The following SCML1 variants were observed in gnomAD, a reference collection of about 807,000 sequenced individuals.
SCML1 encodes Scm polycomb group protein like 1.
For missense variants in SCML1, 137 were observed against 258.1 expected (o/e 0.53, Z 3.22); for synonymous variants, 104 against 103.6 (o/e 1.00, Z -0.02).
At chrX:17,748,016 G>C (rs957468956) in intron 4 of SCML1, among the ~76,000 whole-genome samples, 8 of 111,093 alleles carry the variant, frequency 7.2e-5, no homozygotes, top group African/African-American at 2.6e-4. Flanking sequence ...AATCACCTGG[G>C]GGGCTTGTGA....
Position 17,753,116 on chromosome X carries a change from A to G in SCML1, c.856-142A>G, listed in dbSNP as rs955315608. The G allele has an allele frequency of 2.7e-5, 10 of 374,718 alleles. No homozygotes were observed. The Admixed American group carries it at 5.2e-4, about 19-fold the overall frequency. The allele number at this position is 374,718 out of a possible 1,213,427, so 30.9% of individuals were successfully genotyped here. A position where few individuals can be genotyped will look rare whatever the true frequency, so the allele number is the denominator to read the frequency against. On this transcript the variant is annotated intron_variant, in intron 7 of 7. Transcript: ENST00000380041. ...ACAAGTTATATTTTTAATAGTTTTC[A>G]TAAAGTAGACGCATATTCAGAGAAT...
At chrX:17,744,827 AC>A (rs971903343) in intron 2 of SCML1, 2 of 112,103 alleles carry the variant, frequency 1.8e-5, no homozygotes, top group African/African-American at 6.5e-5. Flanking sequence ...TTTTAAAAGT[AC>A]TGAACTGTAA....
Position 17,745,525 on chromosome X carries a change from G to C in SCML1, c.103G>C (p.Glu35Gln). Residue 35 changes from glutamate (E) to glutamine (Q), a missense_variant, in exon 3 of 8, where the codon GAA becomes CAA. Glu to Gln is a conservative substitution (Grantham distance 29, BLOSUM62 2). Coordinates refer to ENST00000380041, the MANE Select transcript of SCML1 (RefSeq NM_001037540.3). ...TCTTTATGCGTATGAAACAAAACCT[G>C]AATTTGTCAATAAAGTATGTTAATT... ...TILYAYETKP[E>Q]FVNKEPNIVS... The C allele has an allele frequency of 5.3e-6, 6 of 1,123,564 alleles. No individual in the cohort carries two copies. The highest frequency in any genetic ancestry group is 7.3e-6 in the Non-Finnish European group (6 of 822,645). The allele number at this position is 1,123,564 out of a possible 1,213,427, so 92.6% of individuals were successfully genotyped here.
At chrX:17,743,734 A>C (rs2066620056) in intron 1 of SCML1, 1 of 113,667 alleles carries the variant, frequency 8.8e-6, no homozygotes, top group African/African-American at 3.3e-5. Flanking sequence ...CTTTCTCCTT[A>C]GTCAAGAGCC....
At chrX:17,752,034 G>T in intron 7 of SCML1, 68 bp downstream of exon 7, 1 of 1,038,986 alleles carries the variant, frequency 9.6e-7, no homozygotes, top group Non-Finnish European at 1.3e-6. Context: ...AGGTCTTTCA[G>T]TTGGATACTG....
intron 1 of SCML1, among the ~76,000 whole-genome samples, chrX:17,741,185 A>G (rs1440323006): frequency 8.9e-6 from 1 of 111,862 alleles, no homozygotes; most frequent in African/African-American, 3.3e-5. Flanking sequence ...AGCGGGGTAT[A>G]GTTTCCTAAT....
rs747850155 is a variant in SCML1 at position 17,739,848 on chromosome X, C to CAA, written c.-117+2189_-117+2190dup. On this transcript the variant is annotated intron_variant, in intron 1 of 7. Coordinates refer to ENST00000380041, the MANE Select transcript of SCML1 (RefSeq NM_001037540.3). The stretch of plus-strand genomic sequence containing the variant: ...TGGGTGACAGAGTAAGACTCTGTCT[C>CAA]AAAAAAAAAAAAAAAAAAAAAAGAA... 9.9e-3 allele frequency among the ~76,000 whole-genome samples: 318 copies of CAA among 31,975 alleles called. 7 individuals are homozygous for CAA. The highest frequency in any genetic ancestry group is 0.023 in the African/African-American group (213 of 9,220). 27.8% of individuals were successfully genotyped at this position (31,975 alleles called of 115,157 possible).
At chrX:17,739,409 T>C (rs958167993) in intron 1 of SCML1, among the ~76,000 whole-genome samples, 1 of 110,777 alleles carries the variant, frequency 9.0e-6, no homozygotes, top group African/African-American at 3.3e-5. Flanking sequence ...ATAAATGAGT[T>C]TCCTTTAAAC....
rs142861368 is a variant in SCML1 at position 17,749,482 on chromosome X, C to G, written c.281C>G (p.Ala94Gly). 1 of 1,169,325 alleles carries G rather than the reference C, an allele frequency of 8.6e-7. No individual in the cohort carries two copies. Among genetic ancestry groups the G allele is most frequent in the Admixed American group, 2.3e-5 (1 of 44,224 alleles). The stretch of plus-strand genomic sequence containing the variant: ...GTTTCAAAAATCCAACGTTTCCATG[C>G]GAGATCCCTGTGGACAAATCATGTA... ...RKVSKIQRFHARSLWTNHKRY... is the reference protein window; with the variant it reads ...RKVSKIQRFHGRSLWTNHKRY... Residue 94 changes from alanine (A) to glycine (G), a missense_variant, in exon 5 of 8, where the codon GCG (alanine) becomes GGG (glycine). Ala to Gly is a moderately conservative substitution (Grantham distance 60). Coordinates refer to ENST00000380041, the MANE Select transcript of SCML1 (RefSeq NM_001037540.3).
chrX:17,745,654 C>G (rs146607837), intron 3 of SCML1, 115 bp downstream of exon 3: 61 of 437,217 alleles, frequency 1.4e-4, no homozygotes, highest in African/African-American at 1.4e-3. Flanking sequence ...AAATATCTCT[C>G]CCCTGAATTT....
Position 17,752,890 on chromosome X carries a change from G to T in SCML1, c.856-368G>T, listed in dbSNP as rs753286100. On this transcript the variant is annotated intron_variant, in intron 7 of 7. Transcript: ENST00000380041. The stretch of plus-strand genomic sequence containing the variant: ...GTACTCATCTTCCCAGCCCTTCTCA[G>T]AAAGTTAATGAACATCTGAAATTCA... Among the ~76,000 whole-genome samples the T allele has an allele frequency of 4.5e-5, 5 of 111,348 alleles. No homozygotes were observed. In the South Asian group the frequency reaches 1.5e-3, roughly 34 times the overall value.
At position 17,753,455 on chromosome X, in the gene SCML1, G is replaced by T; in HGVS notation, c.*63G>T. 1.1e-6 allele frequency: 1 copy of T among 929,012 alleles called. No homozygotes were observed. The highest frequency in any genetic ancestry group is 3.4e-5 in the East Asian group (1 of 29,692). 76.6% of individuals were successfully genotyped at this position (929,012 alleles called of 1,213,427 possible). On this transcript the variant is annotated 3_prime_UTR_variant, in exon 8 of 8. Coordinates refer to ENST00000380041, the MANE Select transcript of SCML1 (RefSeq NM_001037540.3). The stretch of plus-strand genomic sequence containing the variant: ...AGAGGCACCAATGCCTTCTTAGTGT[G>T]GAATCATTTTTCTGCCCTTTAGTCG...
Position 17,749,509 on chromosome X carries a change from G to A in SCML1, c.303+5G>A. Reference sequence around the variant, plus strand: ...AGATCCCTGTGGACAAATCATGTAAGTGTTATAAAAAACATTTTTACAACT... The same window carrying A: ...AGATCCCTGTGGACAAATCATGTAAATGTTATAAAAAACATTTTTACAACT... On this transcript the variant is annotated splice_donor_5th_base_variant and intron_variant, in intron 5 of 7. Transcript: ENST00000380041. 1 of 1,111,853 alleles carries A rather than the reference G, an allele frequency of 9.0e-7. No individual in the cohort carries two copies. Among genetic ancestry groups the A allele is most frequent in the Non-Finnish European group, 1.2e-6 (1 of 815,497 alleles). 91.6% of individuals were successfully genotyped at this position (1,111,853 alleles called of 1,213,427 possible).
intron 4 of SCML1, among the ~76,000 whole-genome samples, chrX:17,748,945 T>C (rs1410593241): frequency 6.2e-5 from 7 of 112,869 alleles, no homozygotes; most frequent in Non-Finnish European, 1.3e-4. Flanking sequence ...TCAGTGTTCT[T>C]TCTGGAGTGG....
At position 17,751,933 on chromosome X, in the gene SCML1, A is replaced by G. The variant is rs2066712082; in HGVS notation, c.822A>G (p.Ala274=). 2 of 1,211,400 alleles carry G rather than the reference A, an allele frequency of 1.7e-6. No individual in the cohort carries two copies. Among genetic ancestry groups the G allele is most frequent in the Non-Finnish European group, 2.2e-6 (2 of 895,235 alleles). Residue 274 remains alanine, a synonymous_variant, in exon 7 of 8, where the codon GCA becomes GCG. Transcript: ENST00000380041. ...VLFLKQTDPL[A]LCPLVDLFRS... The stretch of plus-strand genomic sequence containing the variant: ...TTCTAAAACAAACAGATCCTCTTGC[A>G]TTATGCCCTCTTGTCGACCTCTTCA...
intron 7 of SCML1, 30 bp from the exon 8 acceptor site, chrX:17,753,228 T>A (rs1206904989): frequency 1.1e-5 from 12 of 1,088,221 alleles, no homozygotes; most frequent in Non-Finnish European, 1.5e-5. Context: ...GAAGCATTAT[T>A]AATTATCGTT....
chrX:17,749,608 C>T, intron 5 of SCML1, 104 bp downstream of exon 5: 1 of 534,283 alleles, frequency 1.9e-6, no homozygotes, highest in South Asian at 3.5e-5. Flanking sequence ...GTGAGATTAG[C>T]AAGGCATGTC....
chrX:17,743,022 C>T (rs1019954640), intron 1 of SCML1, among the ~76,000 whole-genome samples: 1 of 111,909 alleles, frequency 8.9e-6, no homozygotes, highest in African/African-American at 3.2e-5. Context: ...CTGCGAAGTT[C>T]CTTTATATAA....
At position 17,750,145 on chromosome X, in the gene SCML1, A is replaced by C; in HGVS notation, c.555A>C (p.Ser185=). 1 of 1,212,106 alleles carries C rather than the reference A, an allele frequency of 8.3e-7. No individual in the cohort carries two copies. The highest frequency in any genetic ancestry group is 1.1e-6 in the Non-Finnish European group (1 of 895,601). The change falls in exon 6 of 8, where the codon TCA becomes TCC. Residue 185 remains serine, a synonymous_variant. Transcript: ENST00000380041. ...LSRTPSPVHP[S]DFSEHNCQPY... ...GCACTCCGAGTCCAGTGCATCCCTC[A>C]GATTTCTCTGAGCATAATTGTCAGC...
Sources: allele counts gnomAD v4.1 joint callset (sites outside exome capture counted in the v4.1 genomes callset), GRCh38; gene constraint gnomAD v4.1.1; transcripts MANE v1.5; gene names NCBI Gene and HGNC (gene_info 2026-07-23, HGNC 2026-07-21).